PDZD2: variants seen among roughly 807,000 people sequenced by gnomAD.
The protein encoded by PDZD2 is PDZ domain containing 2.
In PDZD2, 90 loss-of-function variants were observed where a neutral mutation model predicts 220.7. That is an observed-to-expected ratio of 0.41 (90% CI 0.34 to 0.49). PDZD2 has a LOEUF of 0.49. Among genes scored for constraint, PDZD2 ranks in the 20% least tolerant of loss-of-function variants. The pLI is 0.28. For missense variants in PDZD2, 3,174 were observed against 3,608.5 expected (o/e 0.88, Z 3.08); for synonymous variants, 1,375 against 1,450.5 (o/e 0.95, Z 1.18).
Position 32,074,590 on chromosome 5 carries a change from A to G in PDZD2, c.3484A>G (p.Thr1162Ala). 6.2e-7 allele frequency: 1 copy of G among 1,612,578 alleles called. No individual in the cohort carries two copies. Residue 1162 changes from threonine to alanine, a missense_variant, in exon 18 of 25, where the codon ACT (threonine) becomes GCT (alanine). By Grantham distance (58) the Thr-to-Ala change is moderately conservative. Transcript: ENST00000438447. The part of the protein sequence containing the change: ...PCDLDSRVQA[T>A]SVKVTVAGFQ... ...CGATCTGGACTCGAGAGTCCAGGCC[A>G]CTTCTGTCAAAGTGACTGTCGCTGG...
chr5:31,987,691 C>T (rs78260924), intron 3 of PDZD2, among the ~76,000 whole-genome samples: 3,002 of 152,260 alleles, frequency 0.02, 101 homozygotes, highest in African/African-American at 0.068. Flanking sequence ...TTTCCCATAC[C>T]GCTGAACCCA....
chr5:31,888,395 T>C (rs933772881), intron 2 of PDZD2, among the ~76,000 whole-genome samples: 1 of 152,212 alleles, frequency 6.6e-6, no homozygotes, highest in African/African-American at 2.4e-5. Context: ...TTTCACCATG[T>C]TGGCCAGGCT....
chr5:32,060,189 T>C (rs1400456683), intron 13 of PDZD2, among the ~76,000 whole-genome samples: 1 of 152,156 alleles, frequency 6.6e-6, no homozygotes. Context: ...AAAAAAAATT[T>C]AGCAAATCAT....
chr5:32,026,155 G>A (rs1300884495), intron 6 of PDZD2, among the ~76,000 whole-genome samples: 8 of 58,808 alleles, frequency 1.4e-4, no homozygotes, highest in Non-Finnish European at 3.0e-4. Flanking sequence ...TTTTTTTTTG[G>A]TAACAGTGTC....
intron 12 of PDZD2, among the ~76,000 whole-genome samples, chr5:32,059,005 T>C (rs1416861431): frequency 1.3e-5 from 2 of 152,228 alleles, no homozygotes; most frequent in East Asian, 3.8e-4. Context: ...AGCAGAGAGT[T>C]GACCGTCGGA....
intron 10 of PDZD2, 28 bp downstream of exon 10, chr5:32,053,911 T>A: frequency 8.1e-7 from 1 of 1,229,146 alleles, no homozygotes; most frequent in South Asian, 1.2e-5. Flanking sequence ...GTATCCTCAG[T>A]GACAGTGACT....
chr5:31,989,965 G>A (rs115186975), intron 3 of PDZD2, among the ~76,000 whole-genome samples: 3,139 of 152,208 alleles, frequency 0.021, 106 homozygotes, highest in African/African-American at 0.07. Flanking sequence ...AGGTTGCTGC[G>A]GCCTTTCTCT....
chr5:31,732,996 T>C (rs906322426), intron 1 of PDZD2, among the ~76,000 whole-genome samples: 1 of 152,218 alleles, frequency 6.6e-6, no homozygotes, highest in Non-Finnish European at 1.5e-5. Context: ...CCCAAAGTGC[T>C]AGGATTATAG....
At chr5:31,962,713 A>G (rs1748363906) in intron 2 of PDZD2, among the ~76,000 whole-genome samples, 1 of 152,204 alleles carries the variant, frequency 6.6e-6, no homozygotes, top group South Asian at 2.1e-4. Flanking sequence ...ACAAGTTGGG[A>G]TGCCCCTGTA....
Position 32,090,683 on chromosome 5 carries a change from C to T in PDZD2, c.7235C>T (p.Pro2412Leu), listed in dbSNP as rs1050470669. The T allele has an allele frequency of 1.9e-6, 3 of 1,614,130 alleles. No individual in the cohort carries two copies. Among genetic ancestry groups the T allele is most frequent in the Non-Finnish European group, 2.5e-6 (3 of 1,180,036 alleles). ...CAAAGCGAAGCCGGCACCCTCCTGC[C>T]CCAGATGGCCAAGTCTCCCTCAATC... ...ENQSEAGTLL[P>L]QMAKSPSIMT... The change falls in exon 20 of 25, where the codon CCC (proline) becomes CTC (leucine). Residue 2412 changes from proline (P) to leucine (L), a missense_variant. Physicochemically the swap from Pro to Leu is moderately conservative, Grantham distance 98 (BLOSUM62 -3). This residue lies in a region of PDZD2 where 631 missense variants were observed against 789.9 expected (regional missense o/e 0.80). Transcript: ENST00000438447. The surrounding 1 kb of genome is among the most constrained non-coding windows in gnomAD (Gnocchi z 4.3).
At chr5:31,988,459 C>T (rs1359179417) in intron 3 of PDZD2, among the ~76,000 whole-genome samples, 2 of 140,798 alleles carry the variant, frequency 1.4e-5, no homozygotes, top group South Asian at 4.2e-4. Context: ...GTGCATCACC[C>T]TCCTGGCATG....
intron 2 of PDZD2, among the ~76,000 whole-genome samples, chr5:31,929,195 T>C (rs1745040098): frequency 6.6e-6 from 1 of 152,176 alleles, no homozygotes; most frequent in African/African-American, 2.4e-5. Context: ...ACTCAGCGTC[T>C]GCTGTTGATT....
At chr5:31,968,259 G>A (rs1054790728) in intron 2 of PDZD2, among the ~76,000 whole-genome samples, 3 of 152,214 alleles carry the variant, frequency 2.0e-5, no homozygotes, top group Non-Finnish European at 2.9e-5. Context: ...TCGGGTGGTT[G>A]AGGTAGGAGA....
intron 2 of PDZD2, among the ~76,000 whole-genome samples, chr5:31,922,759 C>T (rs1012548657): frequency 5.3e-5 from 8 of 152,042 alleles, no homozygotes; most frequent in Non-Finnish European, 1.0e-4. Flanking sequence ...ACCTCTGCCC[C>T]GCCCCCCCCT....
At chr5:32,009,139 T>C (rs578086964) in intron 5 of PDZD2, among the ~76,000 whole-genome samples, 22 of 151,774 alleles carry the variant, frequency 1.4e-4, no homozygotes, top group African/African-American at 5.1e-4. Context: ...GGTCAGGGGT[T>C]CGAGACCAGC....
At chr5:32,014,915 G>A (rs550569937) in intron 6 of PDZD2, among the ~76,000 whole-genome samples, 28 of 142,414 alleles carry the variant, frequency 2.0e-4, no homozygotes, top group African/African-American at 7.0e-4. Flanking sequence ...CCACCATGTT[G>A]GCCAGGATAG....
chr5:31,892,755 CG>C (rs377483871), intron 2 of PDZD2, among the ~76,000 whole-genome samples: 521 of 17,982 alleles, frequency 0.029, no homozygotes, highest in South Asian at 0.082. Flanking sequence ...TGTGGGTGGG[CG>C]GGGGGGGTCT....
At chr5:32,080,929 G>C (rs772342131) in intron 19 of PDZD2, among the ~76,000 whole-genome samples, 8 of 152,072 alleles carry the variant, frequency 5.3e-5, no homozygotes, top group Non-Finnish European at 7.4e-5. Context: ...CGGATGGGGT[G>C]GTGGGGGGAG....
intron 1 of PDZD2, among the ~76,000 whole-genome samples, chr5:31,700,804 C>A (rs998512821): frequency 2.0e-5 from 3 of 152,160 alleles, no homozygotes; most frequent in African/African-American, 7.2e-5. Flanking sequence ...ATAGGAGGGT[C>A]CCACATCCCA....
Sources: gnomAD v4.1 joint callset for allele counts (sites outside exome capture counted in the v4.1 genomes callset) on GRCh38, gnomAD v4.1.1 for gene constraint, gnomAD v4.1.1 regional missense constraint, Gnocchi (gnomAD v3.1) non-coding constraint, MANE v1.5 for transcripts, NCBI Gene and HGNC (gene_info 2026-07-23, HGNC 2026-07-21) for gene names.